The following HDAC9 variants were observed in gnomAD, a reference collection of about 807,000 sequenced individuals.
The protein encoded by HDAC9 is histone deacetylase 9.
A neutral mutation model predicts 139.4 loss-of-function variants in HDAC9; 41 were observed. The observed-to-expected ratio is 0.29, with a 90% CI of 0.23 to 0.38. The LOEUF (loss-of-function observed/expected upper bound fraction) is 0.38, where lower values mean the gene tolerates loss of function less well. Ranked by LOEUF, HDAC9 falls within the 10% of genes least tolerant of loss-of-function variation. The pLI is 1.00. For missense variants in HDAC9, 1,147 were observed against 1,297.0 expected, an observed-to-expected ratio of 0.88 and a Z score of 1.78; for synonymous variants, 517 against 476.2, an observed-to-expected ratio of 1.09 and a Z score of -1.12.
At chr7:18,127,688 G>A (rs554223848) in intron 1 of HDAC9, among the ~76,000 whole-genome samples, 25 of 152,064 alleles carry the variant, frequency 1.6e-4, no homozygotes, top group Admixed American at 1.2e-3. Flanking sequence ...TTTAATGCAG[G>A]GTAACTCTAG....
intron 22 of HDAC9, among the ~76,000 whole-genome samples, chr7:18,932,123 A>G (rs1004731771): frequency 2.0e-5 from 3 of 152,310 alleles, no homozygotes; most frequent in Admixed American, 6.5e-5. Context: ...TTCTGTAAAT[A>G]CAAAACTGCT....
intron 25 of HDAC9, among the ~76,000 whole-genome samples, chr7:18,984,381 T>C (rs1434555381): frequency 6.6e-6 from 1 of 152,044 alleles, no homozygotes; most frequent in Admixed American, 6.6e-5. Context: ...GGCACAAAAT[T>C]TAATGGAAGG....
intron 21 of HDAC9, among the ~76,000 whole-genome samples, chr7:18,869,777 T>C (rs528233108): frequency 1.3e-4 from 20 of 152,166 alleles, no homozygotes; most frequent in Non-Finnish European, 2.1e-4. Flanking sequence ...AAAACACCGG[T>C]TTAGAGAGTT....
intron 2 of HDAC9, among the ~76,000 whole-genome samples, chr7:18,545,020 G>A (rs1814307013): frequency 6.6e-6 from 1 of 152,192 alleles, no homozygotes; most frequent in Non-Finnish European, 1.5e-5. Flanking sequence ...ACAGGATGCT[G>A]CTGAACATCC....
rs1302624015 is a variant in HDAC9 at position 18,835,537 on chromosome 7, A to G, written c.2537A>G (p.His846Arg). ...CCCAGCATCCTGTACATTTCACTCC[A>G]TCGCTATGATGAAGGGAACTTTTTC... Reference protein sequence around the residue: ...ADPSILYISLHRYDEGNFFPG... With the variant: ...ADPSILYISLRRYDEGNFFPG... The change falls in exon 20 of 26, where the codon CAT becomes CGT. Residue 846 changes from histidine (H) to arginine (R), a missense_variant. Around this residue, in one of 7 missense-constraint regions of HDAC9, gnomAD observed 407 missense variants for 521.5 expected, o/e 0.78. Coordinates refer to ENST00000686413, the MANE Select transcript of HDAC9 (RefSeq NM_178425.4). 6.2e-7 allele frequency: 1 copy of G among 1,613,778 alleles called. No individual in the cohort carries two copies.
intron 21 of HDAC9, among the ~76,000 whole-genome samples, chr7:18,863,447 AT>A (rs1563000648): frequency 6.6e-6 from 1 of 152,116 alleles, no homozygotes; most frequent in East Asian, 1.9e-4. Context: ...TTGTTTTTGG[AT>A]TTTATTTTTT....
intron 2 of HDAC9, among the ~76,000 whole-genome samples, chr7:18,546,287 G>C (rs1814791162): frequency 6.6e-6 from 1 of 152,192 alleles, no homozygotes; most frequent in African/African-American, 2.4e-5. Flanking sequence ...ATAGTGGCAA[G>C]AAGTCAGCTT....
At chr7:18,112,979 T>C (rs578259189) in intron 1 of HDAC9, among the ~76,000 whole-genome samples, 14 of 152,162 alleles carry the variant, frequency 9.2e-5, no homozygotes, top group African/African-American at 3.4e-4. Context: ...GAGAGATTGA[T>C]GGTACAGGCG....
chr7:18,332,361 ATGTGTGTGTGTGTGTG>A lies in HDAC9; in HGVS notation c.-42+41863_-42+41878del, dbSNP rs33993916. On this transcript the variant is annotated intron_variant, in intron 1 of 3. Transcript: ENST00000413509. ...GTGAATTGTGGCTGTGCATGCGCAC[ATGTGTGTGTGTGTGTG>A]TGTGTGTGTGTGTGTGAGAGAGAGA... is the stretch of plus-strand genomic sequence containing the variant. Among the ~76,000 whole-genome samples, 23 of 134,724 alleles carry A rather than the reference ATGTGTGTGTGTGTGTG, an allele frequency of 1.7e-4. No individual in the cohort carries two copies. In the South Asian group the frequency reaches 2.2e-3, roughly 13 times the overall value. 88.4% of individuals were successfully genotyped at this position (134,724 alleles called of 152,430 possible).
At chr7:18,532,111 A>G (rs564483521) in intron 2 of HDAC9, among the ~76,000 whole-genome samples, 2 of 152,048 alleles carry the variant, frequency 1.3e-5, no homozygotes, top group Non-Finnish European at 1.5e-5. Context: ...TTATCTGGGC[A>G]TGGTGGTGCA....
intron 2 of HDAC9, among the ~76,000 whole-genome samples, chr7:18,170,458 T>A (rs1788341802): frequency 6.6e-6 from 1 of 152,182 alleles, no homozygotes; most frequent in South Asian, 2.1e-4. Context: ...TGAGATCCCA[T>A]TTGTCTATTT....
At chr7:18,434,252 C>T (rs552340817) in intron 1 of HDAC9, among the ~76,000 whole-genome samples, 15 of 152,220 alleles carry the variant, frequency 9.9e-5, no homozygotes, top group African/African-American at 2.2e-4. Flanking sequence ...TCACCGTATA[C>T]GAAAATCAAA....
At chr7:18,661,953 A>G (rs1019431601) in intron 11 of HDAC9, among the ~76,000 whole-genome samples, 3 of 152,146 alleles carry the variant, frequency 2.0e-5, no homozygotes, top group Admixed American at 6.6e-5. Context: ...GGACTGAACA[A>G]TGTGATTTCT....
At chr7:18,409,956 A>T (rs184958355) in intron 1 of HDAC9, among the ~76,000 whole-genome samples, 307 of 152,340 alleles carry the variant, frequency 2.0e-3, no homozygotes, top group African/African-American at 7.1e-3. Context: ...AAAGGGTAGT[A>T]AAGTGAACAA....
intron 2 of HDAC9, among the ~76,000 whole-genome samples, chr7:18,501,078 A>G (rs1484222339): frequency 6.6e-6 from 1 of 152,160 alleles, no homozygotes; most frequent in African/African-American, 2.4e-5. Flanking sequence ...GAAATTCTCA[A>G]ACATGAAAGA....
intron 2 of HDAC9, among the ~76,000 whole-genome samples, chr7:18,170,271 T>C (rs1300400904): frequency 6.6e-6 from 1 of 152,254 alleles, no homozygotes; most frequent in African/African-American, 2.4e-5. Context: ...TTGAGAAGTG[T>C]CTGTTCATAT....
intron 6 of HDAC9, among the ~76,000 whole-genome samples, chr7:18,623,796 G>A (rs976118906): frequency 3.3e-5 from 5 of 152,152 alleles, no homozygotes; most frequent in African/African-American, 9.7e-5. Context: ...ACAAAAATTA[G>A]CCAGGTGTGG....
At chr7:18,434,554 A>T (rs1335320863) in intron 1 of HDAC9, among the ~76,000 whole-genome samples, 1 of 152,082 alleles carries the variant, frequency 6.6e-6, no homozygotes, top group Non-Finnish European at 1.5e-5. Flanking sequence ...ACAGGCAAAA[A>T]ACAACTCTAT....
intron 16 of HDAC9, 119 bp from the exon 17 acceptor site, chr7:18,793,226 A>G (rs1792486867): frequency 1.4e-6 from 1 of 700,588 alleles, no homozygotes; most frequent in African/African-American, 1.8e-5. Flanking sequence ...TTCCTCACAG[A>G]TTTGCTTTCT....
Sources: gnomAD v4.1 joint callset for allele counts (sites outside exome capture counted in the v4.1 genomes callset) on GRCh38, gnomAD v4.1.1 for gene constraint, gnomAD v4.1.1 regional missense constraint, MANE v1.5 for transcripts, NCBI Gene and HGNC (gene_info 2026-07-23, HGNC 2026-07-21) for gene names.